GPC4: variants seen among roughly 807,000 people sequenced by gnomAD.
The protein encoded by GPC4 is glypican-4.
A neutral mutation model predicts 35.0 loss-of-function variants in GPC4; 10 were observed. The ratio of observed to expected loss-of-function variants is 0.29; its 90% confidence interval spans 0.18 to 0.48. The LOEUF (loss-of-function observed/expected upper bound fraction) is 0.48, where lower values mean the gene tolerates loss of function less well. Among genes scored for constraint, GPC4 ranks in the 20% least tolerant of loss-of-function variants. The pLI, the probability that GPC4 is intolerant of heterozygous loss-of-function variation, is 0.99. For missense variants in GPC4, 322 were observed against 451.3 expected, an observed-to-expected ratio of 0.71 and a Z score of 2.60; for synonymous variants, 167 against 170.2, an observed-to-expected ratio of 0.98 and a Z score of 0.15.
At chrX:133,386,964 T>C (rs1390562738) in intron 1 of GPC4, among the ~76,000 whole-genome samples, 1 of 111,348 alleles carries the variant, frequency 9.0e-6, no homozygotes, top group Non-Finnish European at 1.9e-5. Flanking sequence ...TCCCTCTGAG[T>C]GTTGAATCAG....
At chrX:133,361,442 A>G (rs2068567370) in intron 1 of GPC4, among the ~76,000 whole-genome samples, 1 of 111,567 alleles carries the variant, frequency 9.0e-6, no homozygotes, top group African/African-American at 3.3e-5. Context: ...GAATGGGCTT[A>G]TTTATTTCTT....
chrX:133,303,363 G>A, intron 7 of GPC4, 22 bp from the exon 8 acceptor site: 1 of 1,180,402 alleles, frequency 8.5e-7, no homozygotes, highest in Non-Finnish European at 1.1e-6. Context: ...AATGACCCCA[G>A]TAAGATGATT....
intron 1 of GPC4, among the ~76,000 whole-genome samples, chrX:133,353,180 C>T (rs1249464727): frequency 1.8e-5 from 2 of 111,602 alleles, no homozygotes; most frequent in Non-Finnish European, 3.8e-5. Flanking sequence ...AGAAAGTGCG[C>T]TGCAAGTGTC....
chrX:133,303,105 C>T (rs2068274392), intron 8 of GPC4, 36 bp from the exon 9 acceptor site: 1 of 1,205,475 alleles, frequency 8.3e-7, no homozygotes. Flanking sequence ...AATTTCATTC[C>T]ACTTGTTCTC....
intron 1 of GPC4, among the ~76,000 whole-genome samples, chrX:133,403,395 G>A (rs752400747): frequency 3.2e-4 from 35 of 110,935 alleles, no homozygotes; most frequent in African/African-American, 1.0e-3. Flanking sequence ...TTCATGTGGC[G>A]CAAGTGTTAA....
chrX:133,392,798 C>A (rs1182867193), intron 1 of GPC4, among the ~76,000 whole-genome samples: 2 of 111,150 alleles, frequency 1.8e-5, no homozygotes, highest in African/African-American at 6.6e-5. Context: ...TTGAGCACCT[C>A]TTTCACCAAC....
chrX:133,399,091 C>T, intron 1 of GPC4, among the ~76,000 whole-genome samples: 1 of 111,836 alleles, frequency 8.9e-6, no homozygotes, highest in East Asian at 2.8e-4. Context: ...TTGACAGATG[C>T]ATTCCATCCA....
intron 3 of GPC4, among the ~76,000 whole-genome samples, chrX:133,323,307 C>T (rs1172569593): frequency 9.0e-6 from 1 of 111,304 alleles, no homozygotes; most frequent in African/African-American, 3.3e-5. Context: ...GGTGAAACCC[C>T]GTCTCTACTA....
chrX:133,393,993 G>A (rs2068731236), intron 1 of GPC4, among the ~76,000 whole-genome samples: 1 of 111,249 alleles, frequency 9.0e-6, no homozygotes, highest in African/African-American at 3.3e-5. Flanking sequence ...TATGCACACC[G>A]GGCACAGAGG....
rs143450104 is a variant in GPC4 at position 133,328,922 on chromosome X, A to G, written c.320-4386T>C. On this transcript the variant is annotated intron_variant, in intron 2 of 8. Transcript: ENST00000370828. ...ACTGGTGTCTGAAAGAAAGTTTGAG[A>G]GGTGGTGGTTTGCAAGGATTTGAAA... Among the ~76,000 whole-genome samples the G allele has an allele frequency of 8.7e-3, 970 of 111,839 alleles. 12 individuals carry two copies. Among genetic ancestry groups the G allele is most frequent in the African/African-American group, 0.03 (929 of 30,794 alleles).
intron 1 of GPC4, among the ~76,000 whole-genome samples, chrX:133,371,673 T>C (rs761779994): frequency 1.2e-3 from 130 of 112,004 alleles, no homozygotes; most frequent in Non-Finnish European, 2.0e-3. Context: ...AAAAAAAAAT[T>C]GCTTGAGTTG....
At chrX:133,367,228 C>T (rs1295902131) in intron 1 of GPC4, among the ~76,000 whole-genome samples, 1 of 112,118 alleles carries the variant, frequency 8.9e-6, no homozygotes, top group Non-Finnish European at 1.9e-5. Context: ...CAATACCCTC[C>T]ATTGGTAACA....
chrX:133,404,851 C>CAA (rs763897889), intron 1 of GPC4, among the ~76,000 whole-genome samples: 2 of 20,990 alleles, frequency 9.5e-5, no homozygotes, highest in East Asian at 1.5e-3. Flanking sequence ...GACCCTGTCT[C>CAA]AAAAAAAAAA....
At chrX:133,397,306 T>A (rs2068747773) in intron 1 of GPC4, among the ~76,000 whole-genome samples, 1 of 111,717 alleles carries the variant, frequency 9.0e-6, no homozygotes, top group African/African-American at 3.3e-5. Flanking sequence ...ACGCCTCTAG[T>A]CCCAGCGCTT....
intron 1 of GPC4, among the ~76,000 whole-genome samples, chrX:133,390,799 C>T (rs1028164108): frequency 9.0e-6 from 1 of 111,595 alleles, no homozygotes; most frequent in Non-Finnish European, 1.9e-5. Flanking sequence ...AAGTTTAACG[C>T]CCTCCTTTCA....
intron 1 of GPC4, among the ~76,000 whole-genome samples, chrX:133,347,322 A>C (rs1335827474): frequency 2.1e-5 from 2 of 97,139 alleles, no homozygotes; most frequent in African/African-American, 7.8e-5. Flanking sequence ...AAGCATAAAT[A>C]CATGTGGCCA....
At chrX:133,363,195 C>CTTTTG (rs1164640659) in intron 1 of GPC4, among the ~76,000 whole-genome samples, 2 of 110,733 alleles carry the variant, frequency 1.8e-5, no homozygotes, top group Non-Finnish European at 3.8e-5. Context: ...CTTTTGTTTT[C>CTTTTG]TTTTGTTTTG....
At chrX:133,355,274 G>T (rs897472838) in intron 1 of GPC4, among the ~76,000 whole-genome samples, 1 of 111,910 alleles carries the variant, frequency 8.9e-6, no homozygotes, top group Non-Finnish European at 1.9e-5. Context: ...GCTTGAAAAA[G>T]AACAATAGTT....
At chrX:133,306,346 T>C (rs866797772) in intron 4 of GPC4, among the ~76,000 whole-genome samples, 192 bp from the exon 5 acceptor site, 13 of 111,575 alleles carry the variant, frequency 1.2e-4, no homozygotes, top group African/African-American at 2.9e-4. Flanking sequence ...TCACTATGTA[T>C]CACTAGCTCT....
Sources: gnomAD v4.1 joint callset for allele counts (sites outside exome capture counted in the v4.1 genomes callset) on GRCh38, gnomAD v4.1.1 for gene constraint, MANE v1.5 for transcripts, NCBI Gene and HGNC (gene_info 2026-07-23, HGNC 2026-07-21) for gene names.